MRE11: variants seen among roughly 807,000 people sequenced by gnomAD.
MRE11 encodes double-strand break repair protein MRE11.
In MRE11, 62 loss-of-function variants were observed where a neutral mutation model predicts 91.7. That is an observed-to-expected ratio of 0.68 (90% CI 0.55 to 0.84). The LOEUF (loss-of-function observed/expected upper bound fraction) is 0.84, where lower values mean the gene tolerates loss of function less well. Ranked by LOEUF, MRE11 falls within the 40% of genes least tolerant of loss-of-function variation. The pLI, the probability that MRE11 is intolerant of heterozygous loss-of-function variation, is 0.00. For missense variants in MRE11, 796 were observed against 852.9 expected (o/e 0.93, Z 0.83); for synonymous variants, 273 against 271.4 (o/e 1.01, Z -0.06).
At chr11:94,438,951 T>A (rs1945700597) in intron 16 of MRE11, among the ~76,000 whole-genome samples, 1 of 152,208 alleles carries the variant, frequency 6.6e-6, no homozygotes, top group African/African-American at 2.4e-5. Flanking sequence ...GTGGTATAAA[T>A]GAAATGTAAA....
At chr11:94,496,887 T>G, upstream of MRE11, 2 of 1,613,472 alleles carry the variant, frequency 1.2e-6, no homozygotes, top group Non-Finnish European at 1.7e-6. Context: ...TGGTATCGAT[T>G]GCAAGAAAAA....
chr11:94,480,037 A>C (rs1247409731), intron 4 of MRE11, among the ~76,000 whole-genome samples: 2 of 152,344 alleles, frequency 1.3e-5, no homozygotes, highest in East Asian at 3.9e-4. Context: ...TGAAAAGTTA[A>C]TAAGCCTTCA....
Position 94,447,249 on chromosome 11 carries a change from C to T in MRE11, c.1753G>A (p.Ala585Thr), listed in dbSNP as rs754790440. ...GRRGGRGQNS[A>T]SRGGSQRGRA... ...CCTCTTTGAGACCCTCCTCTCGATG[C>T]TGAATTCTGCCCTCTTCCACCTCTT... The change falls in exon 15 of 20, where the codon GCA (alanine) becomes ACA (threonine). Residue 585 changes from alanine (A) to threonine (T), a missense_variant. Coordinates refer to ENST00000323929, the MANE Select transcript of MRE11 (RefSeq NM_005591.4). 2.6e-5 allele frequency: 42 copies of T among 1,613,676 alleles called. 1 individual carries two copies. The South Asian group carries it at 3.8e-4, about 15-fold the overall frequency.
rs552294472 is a variant in MRE11 at position 94,415,811 on chromosome 11, T to C, written c.*4314A>G. On this transcript the variant is annotated 3_prime_UTR_variant, in exon 20 of 20. Transcript: ENST00000323929. ...CTATACAATCTGGGGTTCTTATCGATTGATGGATAGATTGATTGAGACAGA... is the reference window on the plus strand; with the variant it reads ...CTATACAATCTGGGGTTCTTATCGACTGATGGATAGATTGATTGAGACAGA... 1 of 152,182 alleles carries C rather than the reference T, an allele frequency of 6.6e-6. No individual in the cohort carries two copies. The highest frequency in any genetic ancestry group is 2.1e-4 in the South Asian group (1 of 4,814). 9.4% of individuals were successfully genotyped at this position (152,182 alleles called of 1,614,324 possible).
At chr11:94,496,952 G>GT, upstream of MRE11, 1 of 1,612,332 alleles carries the variant, frequency 6.2e-7, no homozygotes, top group Non-Finnish European at 8.5e-7. Context: ...AAAAAATCGG[G>GT]TAAAAAAAAA....
the MRE11 span, among the ~76,000 whole-genome samples, chr11:94,510,889 T>G: frequency 1.3e-5 from 2 of 152,218 alleles, no homozygotes; most frequent in African/African-American, 4.8e-5. Context: ...AATCAAATCT[T>G]AGGCAGAATG....
chr11:94,451,420 A>G (rs189481769), intron 14 of MRE11, among the ~76,000 whole-genome samples: 1 of 152,306 alleles, frequency 6.6e-6, no homozygotes, highest in African/African-American at 2.4e-5. Flanking sequence ...CAAAAAACAG[A>G]TAAGCCCACT....
At chr11:94,506,315 AAAAAAAGTTAAAAAGAG>A in the MRE11 span, among the ~76,000 whole-genome samples, 1 of 151,886 alleles carries the variant, frequency 6.6e-6, no homozygotes, top group Non-Finnish European at 1.5e-5. Context: ...CCTGAACCTA[AAAAAAAGTTAAAAAGAG>A]AAAAATGGAA....
At chr11:94,466,265 T>A (rs1222237161) in intron 10 of MRE11, among the ~76,000 whole-genome samples, 3 of 152,186 alleles carry the variant, frequency 2.0e-5, no homozygotes. Context: ...AATTAAGTTA[T>A]TTTTAGCAGA....
At chr11:94,509,338 T>A in the MRE11 span, among the ~76,000 whole-genome samples, 6 of 152,234 alleles carry the variant, frequency 3.9e-5, no homozygotes, top group Non-Finnish European at 8.8e-5. Flanking sequence ...ATTTTTAATT[T>A]TTTTTACTAT....
chr11:94,427,293 G>T (rs1018041583), intron 19 of MRE11, among the ~76,000 whole-genome samples: 5 of 151,902 alleles, frequency 3.3e-5, no homozygotes, highest in Admixed American at 2.6e-4. Context: ...AAACAAAAAC[G>T]ATATGATCAC....
At chr11:94,497,374 G>A (rs140869347), upstream of MRE11, 2 of 249,936 alleles carry the variant, frequency 8.0e-6, no homozygotes, top group Non-Finnish European at 1.5e-5. Flanking sequence ...CAGGATCATC[G>A]AAGTGGAATG....
the MRE11 span, among the ~76,000 whole-genome samples, chr11:94,511,336 G>A: frequency 2.6e-5 from 4 of 152,150 alleles, no homozygotes; most frequent in African/African-American, 9.7e-5. Flanking sequence ...CCAAGCAGAT[G>A]CCAGCATCAT....
the MRE11 span, among the ~76,000 whole-genome samples, chr11:94,510,950 G>A: frequency 6.6e-6 from 1 of 152,114 alleles, no homozygotes. Flanking sequence ...GTTCATGGCT[G>A]CATCCTTAGC....
At chr11:94,462,315 G>C (rs934789319) in intron 11 of MRE11, among the ~76,000 whole-genome samples, 1 of 152,156 alleles carries the variant, frequency 6.6e-6, no homozygotes, top group East Asian at 1.9e-4. Context: ...CATGCTCATG[G>C]ATAGGAAGAA....
the MRE11 span, among the ~76,000 whole-genome samples, chr11:94,505,498 G>T: frequency 6.6e-6 from 1 of 152,002 alleles, no homozygotes; most frequent in Non-Finnish European, 1.5e-5. Context: ...ATAGAATGAG[G>T]CTATAAAAAT....
At chr11:94,505,103 A>G in the MRE11 span, among the ~76,000 whole-genome samples, 1 of 152,236 alleles carries the variant, frequency 6.6e-6, no homozygotes, top group Admixed American at 6.5e-5. Context: ...GTTTACATAC[A>G]ACTACGTACA....
the MRE11 span, among the ~76,000 whole-genome samples, chr11:94,509,969 T>C: frequency 2.0e-5 from 3 of 152,344 alleles, no homozygotes; most frequent in South Asian, 2.1e-4. Context: ...TTGAGAGATA[T>C]TGACCTATAA....
chr11:94,496,935 C>A, upstream of MRE11: 3 of 1,613,238 alleles, frequency 1.9e-6, no homozygotes, highest in Non-Finnish European at 1.7e-6. Context: ...CTTCTTTGGG[C>A]TGCTGAAAAA....
Sources: allele counts gnomAD v4.1 joint callset (sites outside exome capture counted in the v4.1 genomes callset), GRCh38; gene constraint gnomAD v4.1.1; transcripts MANE v1.5; gene names NCBI Gene and HGNC (gene_info 2026-07-23, HGNC 2026-07-21).